The following PTK2B variants were observed in gnomAD, a reference collection of about 807,000 sequenced individuals.
PTK2B encodes protein-tyrosine kinase 2-beta.
Under a neutral mutation model 142.9 loss-of-function variants are expected in PTK2B, and 71 were observed. That is an observed-to-expected ratio of 0.50 (90% CI 0.41 to 0.61). PTK2B has a LOEUF of 0.61. Ranked by LOEUF, PTK2B falls within the 20% of genes least tolerant of loss-of-function variation. The pLI, the probability that PTK2B is intolerant of heterozygous loss-of-function variation, is 0.00. For synonymous variants in PTK2B, 519 were observed against 503.4 expected (o/e 1.03, Z -0.42); for missense variants, 1,105 against 1,320.4 (o/e 0.84, Z 2.53).
intron 1 of PTK2B, among the ~76,000 whole-genome samples, chr8:27,342,637 C>T (rs563438185): frequency 6.6e-6 from 1 of 152,336 alleles, no homozygotes; most frequent in African/African-American, 2.4e-5. Context: ...AACCCTCCCC[C>T]TGTGTCACCT....
At chr8:27,337,035 ATAG>A (rs1464491677) in intron 1 of PTK2B, among the ~76,000 whole-genome samples, 4 of 147,912 alleles carry the variant, frequency 2.7e-5, no homozygotes, top group Admixed American at 6.9e-5. Flanking sequence ...TTATTGATGA[ATAG>A]TAGTTTTTTG....
At chr8:27,447,957 G>A (rs1281068306) in intron 24 of PTK2B, among the ~76,000 whole-genome samples, 2 of 152,242 alleles carry the variant, frequency 1.3e-5, no homozygotes, top group Non-Finnish European at 2.9e-5. Flanking sequence ...GGGGGGAGGC[G>A]CTGCTTTCAA....
intron 5 of PTK2B, among the ~76,000 whole-genome samples, chr8:27,425,960 A>G (rs1047789008): frequency 6.6e-6 from 1 of 152,208 alleles, no homozygotes; most frequent in African/African-American, 2.4e-5. Flanking sequence ...TTTGAAATTC[A>G]GGGCCTCTAT....
At chr8:27,408,304 A>G (rs1743325944) in intron 2 of PTK2B, among the ~76,000 whole-genome samples, 1 of 152,226 alleles carries the variant, frequency 6.6e-6, no homozygotes, top group Admixed American at 6.5e-5. Flanking sequence ...TATAGGTCAT[A>G]AGGCCTTGAT....
In PTK2B at chr8:27,419,979, A is replaced by G. The variant is rs1034576353; in HGVS notation, c.289A>G (p.Met97Val). 2 of 1,614,214 alleles carry G rather than the reference A, an allele frequency of 1.2e-6. No homozygotes were observed. Among genetic ancestry groups the G allele is most frequent in the East Asian group, 2.2e-5 (1 of 44,876 alleles). The change falls in exon 3 of 31, where the codon ATG becomes GTG. Residue 97 changes from methionine (M) to valine (V), a missense_variant. Physicochemically the swap from Met to Val is conservative, Grantham distance 21 (BLOSUM62 1). Coordinates refer to ENST00000346049, the MANE Select transcript of PTK2B (RefSeq NM_173176.3). ...GTGCTATGGGCTGAGGCTGAAGCAC[A>G]TGAAGTCCGATGAGATCCACTGGCT... ...AECYGLRLKH[M>V]KSDEIHWLHP...
intron 1 of PTK2B, among the ~76,000 whole-genome samples, chr8:27,366,773 C>G (rs939176671): frequency 1.3e-5 from 2 of 151,962 alleles, no homozygotes; most frequent in African/African-American, 4.8e-5. Flanking sequence ...GACTCCCACT[C>G]AAGCATGTCA....
chr8:27,430,264 C>T (rs1810327283), intron 6 of PTK2B, 100 bp from the exon 7 acceptor site: 1 of 1,585,228 alleles, frequency 6.3e-7, no homozygotes, highest in African/African-American at 1.3e-5. Flanking sequence ...ATAGGGCCGT[C>T]TCTAGGTCCC....
intron 1 of PTK2B, among the ~76,000 whole-genome samples, chr8:27,340,001 A>G (rs1804300474): frequency 6.6e-6 from 1 of 152,232 alleles, no homozygotes; most frequent in Non-Finnish European, 1.5e-5. Flanking sequence ...GGCTTTAAAC[A>G]TCTGCAAGGA....
chr8:27,373,698 TA>T (rs539350597), intron 1 of PTK2B, among the ~76,000 whole-genome samples: 3 of 151,672 alleles, frequency 2.0e-5, no homozygotes, highest in South Asian at 4.2e-4. Context: ...AAATTTTTTT[TA>T]AAAAAAATTG....
At chr8:27,373,211 G>A (rs958909946) in intron 1 of PTK2B, among the ~76,000 whole-genome samples, 3 of 152,212 alleles carry the variant, frequency 2.0e-5, no homozygotes, top group Non-Finnish European at 4.4e-5. Context: ...CATGGCAGCA[G>A]CATGCTGTGT....
upstream of PTK2B, chr8:27,311,368 C>T (rs1482388948): frequency 1.6e-6 from 2 of 1,213,848 alleles, no homozygotes; most frequent in Non-Finnish European, 2.2e-6. Flanking sequence ...GACAGCGGCG[C>T]TGGCCAATCG....
At chr8:27,338,357 A>C (rs1339774835) in intron 1 of PTK2B, among the ~76,000 whole-genome samples, 2 of 152,118 alleles carry the variant, frequency 1.3e-5, no homozygotes, top group Admixed American at 1.3e-4. Flanking sequence ...ATGCAAAGGC[A>C]TAAGAATTAT....
At chr8:27,452,962 T>C in intron 27 of PTK2B, 152 bp from the exon 28 acceptor site, 1 of 847,872 alleles carries the variant, frequency 1.2e-6, no homozygotes, top group South Asian at 1.8e-5. Context: ...GACCAGGAGG[T>C]TCCTTCCCCT....
chr8:27,446,155 T>C (rs1811458219), intron 24 of PTK2B, among the ~76,000 whole-genome samples: 1 of 152,220 alleles, frequency 6.6e-6, no homozygotes, highest in Non-Finnish European at 1.5e-5. Context: ...AACCTGCCCT[T>C]GGCCATGCTG....
Position 27,420,650 on chromosome 8 carries a change from G to C in PTK2B, c.384-7G>C, listed in dbSNP as rs1193422087. On this transcript the variant is annotated splice_polypyrimidine_tract_variant and splice_region_variant and intron_variant, in intron 3 of 30. Coordinates refer to ENST00000346049, the MANE Select transcript of PTK2B (RefSeq NM_173176.3). ...GTGTCAACCAGAGCCTGAATGTCTT[G>C]TTGCAGGTATGACCTTCAAATCCGC... 3.7e-6 allele frequency: 6 copies of C among 1,613,048 alleles called. No homozygotes were observed. Among genetic ancestry groups the C allele is most frequent in the Non-Finnish European group, 5.1e-6 (6 of 1,179,032 alleles).
intron 3 of PTK2B, among the ~76,000 whole-genome samples, chr8:27,316,481 A>G (rs1183092002): frequency 6.6e-6 from 1 of 152,264 alleles, no homozygotes; most frequent in Non-Finnish European, 1.5e-5. Flanking sequence ...TAATAAAAAC[A>G]AAGCTGGTTT....
chr8:27,453,931 T>C (rs1478217760), intron 28 of PTK2B: 7 of 562,206 alleles, frequency 1.2e-5, no homozygotes, highest in Non-Finnish European at 2.2e-5. Flanking sequence ...TAATAGTCTG[T>C]TGTGAGGCTA....
intron 1 of PTK2B, among the ~76,000 whole-genome samples, chr8:27,345,153 T>C (rs1804640923): frequency 6.6e-6 from 1 of 152,152 alleles, no homozygotes; most frequent in Non-Finnish European, 1.5e-5. Flanking sequence ...ACAGTGAGAC[T>C]CTGTCTCAAA....
At chr8:27,377,235 G>A (rs1300336626) in intron 1 of PTK2B, among the ~76,000 whole-genome samples, 1 of 152,208 alleles carries the variant, frequency 6.6e-6, no homozygotes, top group Non-Finnish European at 1.5e-5. Context: ...GAAATATGCA[G>A]ATGCTTGAAG....
Sources: allele counts gnomAD v4.1 joint callset (sites outside exome capture counted in the v4.1 genomes callset), GRCh38; gene constraint gnomAD v4.1.1; transcripts MANE v1.5; gene names NCBI Gene and HGNC (gene_info 2026-07-23, HGNC 2026-07-21).